The following BTRC variants were observed in gnomAD, a reference collection of about 807,000 sequenced individuals.
BTRC encodes beta-transducin repeat containing E3 ubiquitin protein ligase.
A neutral mutation model predicts 85.5 loss-of-function variants in BTRC; 42 were observed. That is an observed-to-expected ratio of 0.49 (90% CI 0.38 to 0.64). BTRC has a LOEUF of 0.64. Among genes scored for constraint, BTRC ranks in the 30% least tolerant of loss-of-function variants. The pLI, the probability that BTRC is intolerant of heterozygous loss-of-function variation, is 0.00. For synonymous variants in BTRC, 255 were observed against 263.3 expected (o/e 0.97, Z 0.30); for missense variants, 594 against 743.5 (o/e 0.80, Z 2.34).
At chr10:101,354,867 A>G (rs1414072323) in intron 1 of BTRC, among the ~76,000 whole-genome samples, 1 of 152,200 alleles carries the variant, frequency 6.6e-6, no homozygotes, top group Non-Finnish European at 1.5e-5. Context: ...GCCTCACTAA[A>G]GAAGATAAGG....
intron 1 of BTRC, among the ~76,000 whole-genome samples, chr10:101,373,345 C>A (rs576244260): frequency 1.3e-5 from 2 of 152,044 alleles, no homozygotes; most frequent in African/African-American, 4.8e-5. Flanking sequence ...TAATAGTCTA[C>A]GCAAGAGACT....
At chr10:101,548,783 A>C (rs539757982) in intron 13 of BTRC, among the ~76,000 whole-genome samples, 3 of 151,950 alleles carry the variant, frequency 2.0e-5, no homozygotes, top group Non-Finnish European at 4.4e-5. Context: ...GGCTGGGCAC[A>C]GTAGCTAAGG....
At chr10:101,496,963 C>T (rs1420480410) in intron 4 of BTRC, among the ~76,000 whole-genome samples, 2 of 152,100 alleles carry the variant, frequency 1.3e-5, no homozygotes, top group Non-Finnish European at 2.9e-5. Context: ...TGGATCTTTG[C>T]CTTATACAAT....
chr10:101,482,393 C>CTTTT (rs55978440), intron 4 of BTRC, among the ~76,000 whole-genome samples: 39 of 99,814 alleles, frequency 3.9e-4, no homozygotes, highest in Non-Finnish European at 5.2e-4. Flanking sequence ...TTGTTTGTTT[C>CTTTT]TTTTTTTTTT....
chr10:101,468,596 A>G (rs1019689588), intron 3 of BTRC, among the ~76,000 whole-genome samples: 5 of 152,108 alleles, frequency 3.3e-5, no homozygotes, highest in Non-Finnish European at 7.3e-5. Flanking sequence ...TTTCTATACC[A>G]TATTCTTGTG....
chr10:101,451,074 A>T (rs1395388894), intron 2 of BTRC, among the ~76,000 whole-genome samples: 1 of 152,230 alleles, frequency 6.6e-6, no homozygotes. Context: ...GCAAGCAAGA[A>T]TTTAAAGGGA....
intron 1 of BTRC, among the ~76,000 whole-genome samples, chr10:101,406,352 A>G (rs965035732): frequency 6.6e-6 from 1 of 150,532 alleles, no homozygotes; most frequent in African/African-American, 2.4e-5. Context: ...AACATTTTGT[A>G]TTTTTAGTAG....
intron 4 of BTRC, among the ~76,000 whole-genome samples, chr10:101,494,620 G>A (rs1946214763): frequency 1.3e-5 from 2 of 151,978 alleles, no homozygotes; most frequent in African/African-American, 4.8e-5. Flanking sequence ...CTGATTCAAG[G>A]AACTTATTAA....
At chr10:101,512,623 G>T (rs2061971268) in intron 4 of BTRC, among the ~76,000 whole-genome samples, 1 of 152,328 alleles carries the variant, frequency 6.6e-6, no homozygotes, top group Non-Finnish European at 1.5e-5. Flanking sequence ...GATCAAGCCA[G>T]TTGGTGTCTG....
intron 3 of BTRC, among the ~76,000 whole-genome samples, chr10:101,471,924 T>C (rs1030219084): frequency 9.2e-5 from 14 of 152,216 alleles, no homozygotes; most frequent in Admixed American, 2.0e-4. Flanking sequence ...GATTGTTTCA[T>C]ATTGGGCTAC....
At chr10:101,507,215 T>G (rs1455500917) in intron 4 of BTRC, among the ~76,000 whole-genome samples, 1 of 152,218 alleles carries the variant, frequency 6.6e-6, no homozygotes, top group Non-Finnish European at 1.5e-5. Flanking sequence ...GTTAACTGCC[T>G]GGAGTCTTTT....
intron 1 of BTRC, among the ~76,000 whole-genome samples, chr10:101,385,380 A>G (rs936149273): frequency 8.0e-5 from 12 of 150,518 alleles, no homozygotes; most frequent in Non-Finnish European, 1.0e-4. Context: ...AAAAAAAAAA[A>G]AAAAGAAAAG....
At chr10:101,460,653 A>C (rs967741833) in intron 2 of BTRC, among the ~76,000 whole-genome samples, 1 of 152,254 alleles carries the variant, frequency 6.6e-6, no homozygotes, top group African/African-American at 2.4e-5. Context: ...AAAGGGCCTC[A>C]GAATGACACA....
chr10:101,395,930 G>GTA (rs895658709), intron 1 of BTRC, among the ~76,000 whole-genome samples: 2 of 151,822 alleles, frequency 1.3e-5, no homozygotes, highest in East Asian at 1.9e-4. Context: ...CGACAAATAT[G>GTA]TATATATATA....
intron 2 of BTRC, among the ~76,000 whole-genome samples, chr10:101,460,366 T>C (rs752577117): frequency 2.0e-5 from 3 of 152,224 alleles, no homozygotes; most frequent in Non-Finnish European, 4.4e-5. Flanking sequence ...ATTAATTCAA[T>C]TATATCCTTC....
chr10:101,521,502 C>T (rs977341336), intron 4 of BTRC, 137 bp from the exon 5 acceptor site: 1 of 643,850 alleles, frequency 1.6e-6, no homozygotes, highest in Non-Finnish European at 2.6e-6. Flanking sequence ...CTGTGGTTTT[C>T]CACGTAATTG....
rs2062728193 is a variant in BTRC at position 101,556,715 on chromosome 10, A to G, written c.*3592A>G. 1 of 152,250 alleles carries G rather than the reference A, an allele frequency of 6.6e-6. No individual in the cohort carries two copies. The highest frequency in any genetic ancestry group is 1.5e-5 in the Non-Finnish European group (1 of 68,052). The allele number at this position is 152,250 out of a possible 1,614,324, so 9.4% of individuals were successfully genotyped here. A position where few individuals can be genotyped will look rare whatever the true frequency, so the allele number is the denominator to read the frequency against. ...AGAGAGAAATCAAAAGAGCATGATGATGGCTGCCTGGTTTCAGGTGGAACT... is the reference window on the plus strand; with the variant it reads ...AGAGAGAAATCAAAAGAGCATGATGGTGGCTGCCTGGTTTCAGGTGGAACT... On this transcript the variant is annotated 3_prime_UTR_variant, in exon 15 of 15. Coordinates refer to ENST00000370187, the MANE Select transcript of BTRC (RefSeq NM_033637.4).
At chr10:101,364,374 T>G (rs1346824232) in intron 1 of BTRC, among the ~76,000 whole-genome samples, 1 of 152,170 alleles carries the variant, frequency 6.6e-6, no homozygotes, top group African/African-American at 2.4e-5. Flanking sequence ...GGTGCTATTC[T>G]TCTATCTTTG....
rs79697378 is a variant in BTRC, at chr10:101,390,864, A to G, written c.48+36636A>G. 3.9e-5 allele frequency among the ~76,000 whole-genome samples: 6 copies of G among 152,310 alleles called. No individual in the cohort carries two copies. In the East Asian group the frequency reaches 9.6e-4, roughly 24 times the overall value. On this transcript the variant is annotated intron_variant, in intron 1 of 14. Coordinates refer to ENST00000370187, the MANE Select transcript of BTRC (RefSeq NM_033637.4). ...ATTTTCCTGTCCCAAGCAGCTTCCA[A>G]ACACTTTAAGGAGGTGCATCAGTTA...
Sources: allele counts gnomAD v4.1 joint callset (sites outside exome capture counted in the v4.1 genomes callset), GRCh38; gene constraint gnomAD v4.1.1; transcripts MANE v1.5; gene names NCBI Gene and HGNC (gene_info 2026-07-23, HGNC 2026-07-21).